Variants in TBXAS1 observed in about 807,000 individuals in gnomAD.
TBXAS1 encodes the protein thromboxane A synthase 1, also known as thromboxane-A synthase.
In TBXAS1, 48 loss-of-function variants were observed where a neutral mutation model predicts 60.7. The observed-to-expected ratio is 0.79, with a 90% CI of 0.63 to 1.01. The LOEUF is 1.01. TBXAS1 is among the 50% of genes least tolerant of loss of function. TBXAS1 has a pLI of 0.00. For synonymous variants in TBXAS1, 287 were observed against 269.7 expected, an observed-to-expected ratio of 1.06 and a Z score of -0.63; for missense variants, 685 against 686.3, an observed-to-expected ratio of 1.00 and a Z score of 0.02.
chr7:139,887,065 G>A (rs1323682725), intron 3 of TBXAS1, among the ~76,000 whole-genome samples: 3 of 152,096 alleles, frequency 2.0e-5, no homozygotes, highest in South Asian at 2.1e-4. Flanking sequence ...TTCAGGGCCC[G>A]AGAACCCACA....
rs1215079027 is a variant in TBXAS1 at position 139,999,963 on chromosome 7, C to T, written c.1135-7128C>T. On this transcript the variant is annotated intron_variant, in intron 9 of 12. Transcript: ENST00000448866. The surrounding 1 kb of genome is among the most constrained non-coding windows in gnomAD (Gnocchi z 4.3). Reference sequence around the variant, plus strand: ...GTGAAAGCAATGACATTTTTATTTTCTTTTTCTCATTTATACTCCAGATGA... The same window carrying T: ...GTGAAAGCAATGACATTTTTATTTTTTTTTTCTCATTTATACTCCAGATGA... Among the ~76,000 whole-genome samples the T allele has an allele frequency of 1.3e-5, 2 of 152,134 alleles. No homozygotes were observed. Among genetic ancestry groups the T allele is most frequent in the African/African-American group, 4.8e-5 (2 of 41,424 alleles).
intron 3 of TBXAS1, among the ~76,000 whole-genome samples, chr7:139,883,363 T>C (rs1001703445): frequency 2.6e-5 from 4 of 152,220 alleles, no homozygotes; most frequent in African/African-American, 9.7e-5. Context: ...CTTCTGAAGT[T>C]TACCTAATTT....
chr7:139,932,653 T>C (rs565017902), intron 4 of TBXAS1, among the ~76,000 whole-genome samples: 1 of 152,206 alleles, frequency 6.6e-6, no homozygotes, highest in Non-Finnish European at 1.5e-5. Flanking sequence ...TCTTTTCCAG[T>C]TAAAAATTCC....
At chr7:139,949,584 C>T (rs537154338) in intron 5 of TBXAS1, among the ~76,000 whole-genome samples, 3 of 152,302 alleles carry the variant, frequency 2.0e-5, no homozygotes, top group Non-Finnish European at 4.4e-5. Context: ...CCCATTGGCA[C>T]ACCCTTTTGT....
At chr7:139,939,634 A>C (rs534116783) in intron 5 of TBXAS1, among the ~76,000 whole-genome samples, 1 of 152,096 alleles carries the variant, frequency 6.6e-6, no homozygotes, top group Admixed American at 6.6e-5. Context: ...CCCTTCAAGA[A>C]GAAGTTGGCT....
At position 139,975,616 on chromosome 7, in the gene TBXAS1, T is replaced by C. The variant is rs553190833; in HGVS notation, c.1134+13383T>C. On this transcript the variant is annotated intron_variant, in intron 9 of 12. Coordinates refer to ENST00000448866, the MANE Select transcript of TBXAS1 (RefSeq NM_001061.7). This position sits in a 1 kb window ranked among gnomAD's most constrained non-coding sequence, Gnocchi z 4.4. The stretch of plus-strand genomic sequence containing the variant: ...GTCATTCAGGAGGACAGGGCAGCCC[T>C]GTCCTCGCCACAGTGCCCGCATCTT... Among the ~76,000 whole-genome samples the C allele has an allele frequency of 1.3e-5, 2 of 152,168 alleles. No individual in the cohort carries two copies. Among genetic ancestry groups the C allele is most frequent in the African/African-American group, 4.8e-5 (2 of 41,568 alleles).
chr7:139,971,239 A>G (rs1255449938), intron 9 of TBXAS1, among the ~76,000 whole-genome samples: 2 of 152,012 alleles, frequency 1.3e-5, no homozygotes, highest in Non-Finnish European at 2.9e-5. Flanking sequence ...GACCACTAAT[A>G]TCAGAAAGGC....
In TBXAS1 at chr7:139,955,604, C is replaced by A. The variant is rs1163350946; in HGVS notation, c.685C>A (p.Leu229Ile). The A allele has an allele frequency of 6.2e-7, 1 of 1,614,158 alleles. No individual in the cohort carries two copies. Among genetic ancestry groups the A allele is most frequent in the Non-Finnish European group, 8.5e-7 (1 of 1,180,032 alleles). ...CATCCCCAGACCTATCCTGGTTTTA[C>A]TCTGTAAGTGCGGCTGCAGCCCGGG... Reference protein sequence around the residue: ...FCIPRPILVLLLSFPSIMVPL... With the variant: ...FCIPRPILVLILSFPSIMVPL... The change falls in exon 7 of 13, where the codon CTC becomes ATC. Residue 229 changes from leucine to isoleucine, a missense_variant. By Grantham distance (5) the Leu-to-Ile change is conservative (BLOSUM62 2). Transcript: ENST00000448866.
At chr7:139,933,295 A>G (rs1282106471) in intron 4 of TBXAS1, among the ~76,000 whole-genome samples, 1 of 152,154 alleles carries the variant, frequency 6.6e-6, no homozygotes, top group Non-Finnish European at 1.5e-5. Flanking sequence ...AGTCTTAAGG[A>G]TAGGTACGAG....
At chr7:139,793,078 A>G (rs909455097) in intron 4 of TBXAS1, among the ~76,000 whole-genome samples, 1 of 152,174 alleles carries the variant, frequency 6.6e-6, no homozygotes, top group Non-Finnish European at 1.5e-5. Context: ...AAAATATTAT[A>G]AAACATCTCT....
At chr7:139,788,081 C>G (rs1797256356) in intron 4 of TBXAS1, among the ~76,000 whole-genome samples, 1 of 152,190 alleles carries the variant, frequency 6.6e-6, no homozygotes, top group Non-Finnish European at 1.5e-5. Context: ...CAATCTGATA[C>G]AAAATGTCTG....
At chr7:139,976,691 G>A (rs981414569) in intron 9 of TBXAS1, among the ~76,000 whole-genome samples, 2 of 152,146 alleles carry the variant, frequency 1.3e-5, no homozygotes, top group Admixed American at 6.5e-5. Context: ...TCCGCCCCTG[G>A]AGATTCGATT....
chr7:139,936,858 G>A (rs1261617661), intron 5 of TBXAS1, among the ~76,000 whole-genome samples: 1 of 152,196 alleles, frequency 6.6e-6, no homozygotes, highest in Non-Finnish European at 1.5e-5. Flanking sequence ...AATGACTGGG[G>A]AGGAGTGGGC....
chr7:139,872,148 A>G, intron 1 of TBXAS1, 87 bp from the exon 2 acceptor site: 1 of 1,350,274 alleles, frequency 7.4e-7, no homozygotes, highest in Non-Finnish European at 1.1e-6. Context: ...TTACTTCCAG[A>G]GAGCTCAGTA....
intron 4 of TBXAS1, among the ~76,000 whole-genome samples, chr7:139,811,428 G>T (rs1458656569): frequency 6.6e-6 from 1 of 152,236 alleles, no homozygotes; most frequent in African/African-American, 2.4e-5. Context: ...GGACAAAATG[G>T]CATGGGCAAG....
rs1387517517 is a variant in TBXAS1, at chr7:139,853,735, G to A, written c.90-18500G>A. Among the ~76,000 whole-genome samples the A allele has an allele frequency of 2.0e-5, 3 of 152,124 alleles. No individual in the cohort carries two copies. The East Asian group carries it at 5.8e-4, about 29-fold the overall frequency. ...ACCACAAGTCTCAGGGGTTCTTTAA[G>A]GACTTCATAAAAACAAAGGATTAAC... On this transcript the variant is annotated intron_variant, in intron 1 of 12. Transcript: ENST00000448866.
intron 4 of TBXAS1, among the ~76,000 whole-genome samples, chr7:139,917,251 GC>G (rs1806067900): frequency 6.6e-6 from 1 of 152,160 alleles, no homozygotes; most frequent in Non-Finnish European, 1.5e-5. Context: ...TCATTTGCCT[GC>G]CCCCGTCTCT....
At chr7:139,927,790 TA>T (rs1807009498) in intron 4 of TBXAS1, among the ~76,000 whole-genome samples, 1 of 152,200 alleles carries the variant, frequency 6.6e-6, no homozygotes, top group Admixed American at 6.5e-5. Context: ...GTTATATTTT[TA>T]AAATTTCATT....
intron 4 of TBXAS1, among the ~76,000 whole-genome samples, chr7:139,932,974 T>C (rs924184142): frequency 3.9e-5 from 6 of 152,182 alleles, no homozygotes; most frequent in Non-Finnish European, 8.8e-5. Context: ...GTAGGATCGC[T>C]TGAGTCCAGA....
Sources: gnomAD v4.1 joint callset for allele counts (sites outside exome capture counted in the v4.1 genomes callset) on GRCh38, gnomAD v4.1.1 for gene constraint, Gnocchi (gnomAD v3.1) non-coding constraint, MANE v1.5 for transcripts, NCBI Gene and HGNC (gene_info 2026-07-23, HGNC 2026-07-21) for gene names.